Variants in KCNN2 observed in about 807,000 individuals in gnomAD.
KCNN2 encodes small conductance calcium-activated potassium channel protein 2.
In KCNN2, 24 loss-of-function variants were observed where a neutral mutation model predicts 55.5. That is an observed-to-expected ratio of 0.43 (90% CI 0.31 to 0.61). KCNN2 has a LOEUF of 0.61. Among genes scored for constraint, KCNN2 ranks in the 20% least tolerant of loss-of-function variants. The probability of loss-of-function intolerance (pLI) is 0.08; values close to 1 mark genes in which losing one functional copy is unlikely to be tolerated. For missense variants in KCNN2, 754 were observed against 853.6 expected, an observed-to-expected ratio of 0.88 and a Z score of 1.45; for synonymous variants, 431 against 336.1, an observed-to-expected ratio of 1.28 and a Z score of -3.09.
At chr5:114,441,730 A>G (rs952955463) in intron 3 of KCNN2, among the ~76,000 whole-genome samples, 1 of 152,174 alleles carries the variant, frequency 6.6e-6, no homozygotes, top group African/African-American at 2.4e-5. Flanking sequence ...GCTATTACAG[A>G]TATGCTGCCA....
chr5:114,301,246 T>C (rs1756152875), intron 2 of KCNN2, among the ~76,000 whole-genome samples: 1 of 152,150 alleles, frequency 6.6e-6, no homozygotes. Flanking sequence ...TTAATCTTTG[T>C]CTTTGTATCC....
chr5:114,082,381 T>A (rs1349869624), intron 1 of KCNN2, among the ~76,000 whole-genome samples: 1 of 150,382 alleles, frequency 6.6e-6, no homozygotes, highest in African/African-American at 2.4e-5. Context: ...GAAATGTGAA[T>A]CAAAGATACA....
At chr5:114,232,971 AGTGCAGTGGC>A (rs1271184455) in intron 2 of KCNN2, among the ~76,000 whole-genome samples, 1 of 104,186 alleles carries the variant, frequency 9.6e-6, no homozygotes, top group South Asian at 4.2e-4. Flanking sequence ...CCCAGGCTGG[AGTGCAGTGGC>A]GGGATCTCGG....
intron 2 of KCNN2, among the ~76,000 whole-genome samples, chr5:114,327,867 T>C (rs1756741502): frequency 6.6e-6 from 1 of 152,224 alleles, no homozygotes; most frequent in Non-Finnish European, 1.5e-5. Context: ...AAGCAGTTAG[T>C]ACTGTTTTAA....
At chr5:114,294,255 T>C (rs1039968079) in intron 2 of KCNN2, among the ~76,000 whole-genome samples, 11 of 152,192 alleles carry the variant, frequency 7.2e-5, no homozygotes, top group Non-Finnish European at 1.2e-4. Context: ...TGTTTGCTCT[T>C]GCTTTTCTAG....
chr5:114,111,796 T>C (rs1056211867), intron 1 of KCNN2, among the ~76,000 whole-genome samples: 2 of 152,160 alleles, frequency 1.3e-5, no homozygotes, highest in African/African-American at 4.8e-5. Context: ...TCATGCCAGT[T>C]AGAATGGTGA....
At chr5:114,453,985 C>T (rs905305270) in intron 3 of KCNN2, among the ~76,000 whole-genome samples, 20 of 152,076 alleles carry the variant, frequency 1.3e-4, no homozygotes, top group South Asian at 4.2e-4. Flanking sequence ...CTCACCACAC[C>T]CCAGTAGGCC....
At chr5:114,463,239 A>C in intron 4 of KCNN2, 49 bp downstream of exon 4, 1 of 1,486,522 alleles carries the variant, frequency 6.7e-7, no homozygotes, top group Non-Finnish European at 9.2e-7. Context: ...TCAAGAAGGC[A>C]CTTAAACCAC....
intron 2 of KCNN2, among the ~76,000 whole-genome samples, chr5:114,287,735 C>T (rs990559934): frequency 5.4e-5 from 8 of 148,828 alleles, no homozygotes; most frequent in Non-Finnish European, 7.4e-5. Flanking sequence ...ACTTTCTGCA[C>T]GTGTGTCTCA....
chr5:114,374,073 C>T lies in KCNN2; in HGVS notation c.1218+10072C>T, dbSNP rs574777749. 3.9e-5 allele frequency among the ~76,000 whole-genome samples: 6 copies of T among 152,082 alleles called. No individual in the cohort carries two copies. In the South Asian group the frequency reaches 6.2e-4, roughly 16 times the overall value. On this transcript the variant is annotated intron_variant, in intron 2 of 7. Transcript: ENST00000673685. ...TGGATCTGTAGTGATTGTTCAGGTA[C>T]TATGATGTTAGGCTGACAGTTTGCA... is the stretch of plus-strand genomic sequence containing the variant.
intron 1 of KCNN2, among the ~76,000 whole-genome samples, chr5:114,148,224 G>C (rs921313196): frequency 6.6e-6 from 1 of 152,032 alleles, no homozygotes; most frequent in African/African-American, 2.4e-5. Flanking sequence ...GATAATTAAA[G>C]GCCATTTCTT....
At chr5:114,359,846 T>G (rs1168368853), upstream of KCNN2, among the ~76,000 whole-genome samples, 2 of 152,322 alleles carry the variant, frequency 1.3e-5, no homozygotes, top group East Asian at 3.9e-4. Context: ...TTGAATTTCT[T>G]TTTCAGACCA....
chr5:114,191,036 C>T (rs540124466), intron 1 of KCNN2, among the ~76,000 whole-genome samples: 1 of 152,204 alleles, frequency 6.6e-6, no homozygotes, highest in East Asian at 1.9e-4. Flanking sequence ...AGTAGAAATG[C>T]TCAAATACAT....
At chr5:114,108,524 C>T (rs1010013149) in intron 1 of KCNN2, among the ~76,000 whole-genome samples, 1 of 151,992 alleles carries the variant, frequency 6.6e-6, no homozygotes, top group Non-Finnish European at 1.5e-5. Context: ...ATGCCCTGTT[C>T]CAGTAAACCT....
At chr5:114,057,612 C>A (rs929130819) in intron 1 of KCNN2, among the ~76,000 whole-genome samples, 4 of 152,118 alleles carry the variant, frequency 2.6e-5, no homozygotes, top group African/African-American at 9.7e-5. Context: ...GACTATGTAT[C>A]AATAAACAAA....
At chr5:114,211,398 A>G (rs13361954) in intron 1 of KCNN2, among the ~76,000 whole-genome samples, 55,261 of 152,030 alleles carry the variant, frequency 0.36, 10,560 homozygotes, top group East Asian at 0.73. Context: ...GAATGAGATC[A>G]TGACCTTTGC....
At chr5:114,200,885 TC>T (rs1204081961) in intron 1 of KCNN2, among the ~76,000 whole-genome samples, 2 of 152,122 alleles carry the variant, frequency 1.3e-5, no homozygotes, top group African/African-American at 4.8e-5. Context: ...AGTGAGCCAG[TC>T]TTTGGGCTCC....
intron 1 of KCNN2, among the ~76,000 whole-genome samples, chr5:114,094,198 T>G (rs1413101761): frequency 1.3e-5 from 2 of 152,060 alleles, no homozygotes; most frequent in African/African-American, 4.8e-5. Flanking sequence ...CCCTAGCAGA[T>G]GGATATCTGT....
Position 114,395,822 on chromosome 5 carries a change from C to G in KCNN2, c.1219-8616C>G, listed in dbSNP as rs117642147. Among the ~76,000 whole-genome samples, 142 of 152,270 alleles carry G rather than the reference C, an allele frequency of 9.3e-4. No homozygotes were observed. In the East Asian group the frequency reaches 0.01, roughly 11 times the overall value. Reference sequence around the variant, plus strand: ...CACTGCCTGCTGCTTTCCAGATCCTCTTACGTCCTGACCTTCCAAATGCCC... The same window carrying G: ...CACTGCCTGCTGCTTTCCAGATCCTGTTACGTCCTGACCTTCCAAATGCCC... On this transcript the variant is annotated intron_variant, in intron 2 of 7. Transcript: ENST00000673685.
Sources: allele counts gnomAD v4.1 joint callset (sites outside exome capture counted in the v4.1 genomes callset), GRCh38; gene constraint gnomAD v4.1.1; transcripts MANE v1.5; gene names NCBI Gene and HGNC (gene_info 2026-07-23, HGNC 2026-07-21).